Variants in REV3L observed in about 807,000 individuals in gnomAD.
REV3L encodes REV3 like, DNA directed polymerase zeta catalytic subunit, also known as DNA polymerase zeta catalytic subunit.
In REV3L, 69 loss-of-function variants were observed where a neutral mutation model predicts 299.4. The ratio of observed to expected loss-of-function variants is 0.23; its 90% confidence interval spans 0.19 to 0.28. The LOEUF is 0.28. REV3L is among the 10% of genes least tolerant of loss of function. REV3L has a pLI of 1.00. For missense variants in REV3L, 3,128 were observed against 3,693.8 expected (o/e 0.85, Z 3.97); for synonymous variants, 1,238 against 1,271.4 (o/e 0.97, Z 0.56).
chr6:111,302,900 C>CA (rs1467763415), intron 31 of REV3L, among the ~76,000 whole-genome samples: 7 of 151,928 alleles, frequency 4.6e-5, no homozygotes, highest in Admixed American at 3.9e-4. Context: ...GACTCCGTCT[C>CA]AAAAAAAATT....
At chr6:111,308,972 G>A (rs939637111) in intron 30 of REV3L, among the ~76,000 whole-genome samples, 6 of 152,338 alleles carry the variant, frequency 3.9e-5, no homozygotes, top group African/African-American at 7.2e-5. Flanking sequence ...CAGGGTGTGC[G>A]AGAGGGACAA....
intron 1 of REV3L, among the ~76,000 whole-genome samples, chr6:111,448,631 T>A (rs1490890157): frequency 1.3e-5 from 2 of 150,544 alleles, no homozygotes; most frequent in Non-Finnish European, 3.0e-5. Context: ...GGCCATTTTC[T>A]TTTCTTTCCA....
chr6:111,365,236 T>C, intron 15 of REV3L, 29 bp downstream of exon 15: 2 of 1,274,662 alleles, frequency 1.6e-6, no homozygotes, highest in Non-Finnish European at 2.2e-6. Flanking sequence ...GCTCTTCCAC[T>C]GATCTTTAAA....
intron 21 of REV3L, among the ~76,000 whole-genome samples, chr6:111,339,794 T>C (rs770406859): frequency 9.2e-5 from 14 of 152,180 alleles, no homozygotes; most frequent in Non-Finnish European, 2.1e-4. Flanking sequence ...CTTTCTACTT[T>C]CGGGTCCTAT....
intron 1 of REV3L, among the ~76,000 whole-genome samples, chr6:111,442,223 T>C (rs1016279872): frequency 4.6e-5 from 7 of 152,246 alleles, no homozygotes; most frequent in African/African-American, 1.4e-4. Context: ...TTCTACCCAC[T>C]TGTTTCACCA....
chr6:111,416,236 A>T (rs1214588689), intron 2 of REV3L, 47 bp downstream of exon 2: 1 of 1,312,184 alleles, frequency 7.6e-7, no homozygotes. Flanking sequence ...CTCTAAATAG[A>T]ATAGCAACAT....
intron 20 of REV3L, among the ~76,000 whole-genome samples, chr6:111,344,465 T>C (rs1582610585): frequency 6.6e-6 from 1 of 152,180 alleles, no homozygotes; most frequent in Non-Finnish European, 1.5e-5. Context: ...AGTTATCTAG[T>C]TAAAGGCAGG....
chr6:111,470,062 T>C (rs1274345086), intron 1 of REV3L, among the ~76,000 whole-genome samples: 1 of 152,136 alleles, frequency 6.6e-6, no homozygotes, highest in African/African-American at 2.4e-5. Flanking sequence ...ACTATCACCT[T>C]GTAAACACAA....
chr6:111,369,699 A>G (rs1779584635), intron 13 of REV3L, among the ~76,000 whole-genome samples: 2 of 152,080 alleles, frequency 1.3e-5, no homozygotes, highest in African/African-American at 4.8e-5. Context: ...ACAAAACAAA[A>G]CAAACTAAAA....
chr6:111,351,650 G>T, intron 19 of REV3L, 26 bp downstream of exon 19: 1 of 1,553,564 alleles, frequency 6.4e-7, no homozygotes, highest in South Asian at 1.1e-5. Context: ...GTAGTTGAAT[G>T]ACAAAACATT....
At chr6:111,449,099 GAGTCAAGGTGAAATAATAGGGA>G (rs1329580847) in intron 1 of REV3L, among the ~76,000 whole-genome samples, 1 of 152,168 alleles carries the variant, frequency 6.6e-6, no homozygotes, top group Non-Finnish European at 1.5e-5. Context: ...GCAGGGTTTT[GAGTCAAGGTGAAATAATAGGGA>G]ATACATTTAC....
chr6:111,477,654 G>A (rs1173243084), intron 1 of REV3L, among the ~76,000 whole-genome samples: 1 of 152,182 alleles, frequency 6.6e-6, no homozygotes, highest in African/African-American at 2.4e-5. Flanking sequence ...AGAAAGGTAA[G>A]GGCCAGACTA....
At chr6:111,437,197 A>G (rs1787654546) in intron 1 of REV3L, among the ~76,000 whole-genome samples, 1 of 152,228 alleles carries the variant, frequency 6.6e-6, no homozygotes, top group South Asian at 2.1e-4. Context: ...AAAAGTTAAA[A>G]AAATAGAGTT....
chr6:111,454,475 A>G (rs1329886697), intron 1 of REV3L, among the ~76,000 whole-genome samples: 1 of 152,066 alleles, frequency 6.6e-6, no homozygotes, highest in Non-Finnish European at 1.5e-5. Context: ...ATTATTGTGT[A>G]ACCATCATCA....
chr6:111,326,086 C>A (rs1334261738), intron 25 of REV3L, among the ~76,000 whole-genome samples: 1 of 152,026 alleles, frequency 6.6e-6, no homozygotes, highest in African/African-American at 2.4e-5. Flanking sequence ...CCATGTTTTG[C>A]AAATGACGGG....
intron 3 of REV3L, among the ~76,000 whole-genome samples, chr6:111,408,556 A>G (rs1277370214): frequency 1.3e-5 from 2 of 152,164 alleles, no homozygotes; most frequent in Admixed American, 6.5e-5. Flanking sequence ...GTGAGCCGAC[A>G]TGGTGCCACT....
At chr6:111,325,807 T>C (rs1774724726) in intron 25 of REV3L, among the ~76,000 whole-genome samples, 1 of 152,218 alleles carries the variant, frequency 6.6e-6, no homozygotes, top group Non-Finnish European at 1.5e-5. Flanking sequence ...CTTTTAGTTA[T>C]TTAAAAATAT....
At chr6:111,351,547 T>C (rs541862354) in intron 19 of REV3L, 129 bp downstream of exon 19, 2 of 560,786 alleles carry the variant, frequency 3.6e-6, no homozygotes, top group South Asian at 5.5e-5. Flanking sequence ...AGTTATGCTA[T>C]ATCTAAAACT....
chr6:111,349,126 T>C, intron 20 of REV3L, 92 bp downstream of exon 20: 1 of 675,298 alleles, frequency 1.5e-6, no homozygotes. Context: ...GCATAAGCTA[T>C]ATAGTAAATC....
Sources: gnomAD v4.1 joint callset for allele counts (sites outside exome capture counted in the v4.1 genomes callset) on GRCh38, gnomAD v4.1.1 for gene constraint, MANE v1.5 for transcripts, NCBI Gene and HGNC (gene_info 2026-07-23, HGNC 2026-07-21) for gene names.